The following MEX3C variants were observed in gnomAD, a reference collection of about 807,000 sequenced individuals.
MEX3C encodes mex-3 RNA binding family member C, also known as RNA-binding E3 ubiquitin-protein ligase MEX3C.
In MEX3C, 15 loss-of-function variants were observed where a neutral mutation model predicts 35.5. The observed-to-expected ratio is 0.42, with a 90% CI of 0.28 to 0.65. MEX3C has a LOEUF of 0.65. MEX3C is among the 30% of genes least tolerant of loss of function. The probability of loss-of-function intolerance (pLI) is 0.20; values close to 1 mark genes in which losing one functional copy is unlikely to be tolerated. For missense variants in MEX3C, 711 were observed against 842.8 expected (o/e 0.84, Z 1.94); for synonymous variants, 390 against 352.8 (o/e 1.11, Z -1.18).
At chr18:51,190,532 T>C (rs566347532) in intron 1 of MEX3C, among the ~76,000 whole-genome samples, 2 of 152,346 alleles carry the variant, frequency 1.3e-5, no homozygotes, top group Admixed American at 6.5e-5. Flanking sequence ...TTAGTCTTAT[T>C]ATTCCATGAT....
intron 1 of MEX3C, among the ~76,000 whole-genome samples, chr18:51,191,745 T>C (rs1413242673): frequency 6.6e-6 from 1 of 152,118 alleles, no homozygotes; most frequent in African/African-American, 2.4e-5. Flanking sequence ...CTACAGGAAT[T>C]GTAGATATGA....
chr18:51,176,049 A>G lies in MEX3C; in HGVS notation c.*302T>C, dbSNP rs1912294035. ...CGTATACACTTTTTCATAGGCTCAC[A>G]CAACCTATGATTATCTTCACTCAGC... is the stretch of plus-strand genomic sequence containing the variant. On this transcript the variant is annotated 3_prime_UTR_variant, in exon 2 of 2. Coordinates refer to ENST00000406189, the MANE Select transcript of MEX3C (RefSeq NM_016626.5). The G allele has an allele frequency of 4.0e-6, 1 of 248,626 alleles. No individual in the cohort carries two copies. Among genetic ancestry groups the G allele is most frequent in the African/African-American group, 2.2e-5 (1 of 44,464 alleles). The allele number at this position is 248,626 out of a possible 1,614,324, so 15.4% of individuals were successfully genotyped here. A position where few individuals can be genotyped will look rare whatever the true frequency, so the allele number is the denominator to read the frequency against.
Position 51,176,115 on chromosome 18 carries a change from G to T in MEX3C, c.*236C>A, listed in dbSNP as rs1330093792. 1 of 385,588 alleles carries T rather than the reference G, an allele frequency of 2.6e-6. No individual in the cohort carries two copies. Among genetic ancestry groups the T allele is most frequent in the Non-Finnish European group, 4.6e-6 (1 of 217,490 alleles). 23.9% of individuals were successfully genotyped at this position (385,588 alleles called of 1,614,324 possible). Reference sequence around the variant, plus strand: ...CTTTAGCAATTCTTATATAAACTATGTCTCTGGGTCTACAGGATAGTACTA... The same window carrying T: ...CTTTAGCAATTCTTATATAAACTATTTCTCTGGGTCTACAGGATAGTACTA... On this transcript the variant is annotated 3_prime_UTR_variant, in exon 2 of 2. Coordinates refer to ENST00000406189, the MANE Select transcript of MEX3C (RefSeq NM_016626.5).
intron 1 of MEX3C, among the ~76,000 whole-genome samples, chr18:51,182,384 ACTT>A (rs1912451738): frequency 6.6e-6 from 1 of 152,212 alleles, no homozygotes; most frequent in South Asian, 2.1e-4. Flanking sequence ...TGAGGACTAC[ACTT>A]CTTATAGCTA....
Position 51,196,605 on chromosome 18 carries a change from G to A in MEX3C, c.716C>T (p.Pro239Leu), listed in dbSNP as rs751092312. The change falls in exon 1 of 2, where the codon CCC (proline) becomes CTC (leucine). Residue 239 changes from proline (P) to leucine (L), a missense_variant. Physicochemically the swap from Pro to Leu is moderately conservative, Grantham distance 98. This residue lies in a region of MEX3C where 354 missense variants were observed against 311.6 expected (regional missense o/e 1.14). Transcript: ENST00000406189. ...SVNTTECVPVPSSEHVAEIVG... is the reference protein window; with the variant it reads ...SVNTTECVPVLSSEHVAEIVG... ...GATCTCGGCGACGTGCTCGGAGCTG[G>A]GCACCGGGACGCACTCGGTGGTGTT... The A allele has an allele frequency of 6.3e-7, 1 of 1,593,728 alleles. No homozygotes were observed. Among genetic ancestry groups the A allele is most frequent in the Non-Finnish European group, 8.5e-7 (1 of 1,175,318 alleles).
At chr18:51,196,187 A>G (rs989279683) in intron 1 of MEX3C, 3 of 293,390 alleles carry the variant, frequency 1.0e-5, no homozygotes, top group African/African-American at 2.3e-5. Flanking sequence ...TCGGCGGCGC[A>G]AACTTGCAAT....
At chr18:51,186,689 C>T (rs1912546690) in intron 1 of MEX3C, among the ~76,000 whole-genome samples, 1 of 152,080 alleles carries the variant, frequency 6.6e-6, no homozygotes, top group African/African-American at 2.4e-5. Context: ...CACCACAAGG[C>T]CTATCACAAT....
intron 1 of MEX3C, among the ~76,000 whole-genome samples, chr18:51,188,322 C>T (rs913865529): frequency 2.0e-5 from 3 of 152,168 alleles, no homozygotes; most frequent in Non-Finnish European, 2.9e-5. Context: ...AGCTGTTTGG[C>T]CAGTTGTGGT....
In MEX3C at chr18:51,176,724, C is replaced by G. The variant is rs367763550; in HGVS notation, c.1607G>C (p.Gly536Ala). 3 of 1,614,006 alleles carry G rather than the reference C, an allele frequency of 1.9e-6. No individual in the cohort carries two copies. The African/African-American group carries it at 4.0e-5, about 22-fold the overall frequency. Residue 536 changes from glycine to alanine, a missense_variant, in exon 2 of 2, where the codon GGA (glycine) becomes GCA (alanine). Gly to Ala is a moderately conservative substitution (Grantham distance 60, BLOSUM62 0). Around this residue, in one of 4 missense-constraint regions of MEX3C, gnomAD observed 187 missense variants for 201.7 expected, o/e 0.93. Transcript: ENST00000406189. ...PSGNMKTQRR[G>A]SQPSTPRLSP... Reference sequence around the variant, plus strand: ...CAGACGAGGAGTAGATGGCTGACTTCCTCTGCGCTGAGTCTTCATGTTACC... The same window carrying G: ...CAGACGAGGAGTAGATGGCTGACTTGCTCTGCGCTGAGTCTTCATGTTACC...
chr18:51,180,805 C>T (rs182811762), intron 1 of MEX3C, among the ~76,000 whole-genome samples: 2 of 152,114 alleles, frequency 1.3e-5, no homozygotes, highest in South Asian at 2.1e-4. Context: ...TAAGCCACTG[C>T]CAATAAAGAC....
Position 51,196,887 on chromosome 18 carries a change from G to T in MEX3C, c.434C>A (p.Ser145Ter). The T allele has an allele frequency of 6.5e-7, 1 of 1,541,300 alleles. No homozygotes were observed. ...CTGAGAGGCGGTGGCCGCGGGCGGCGACAGCAGCAGCAGCGACGACCGGTC... is the reference window on the plus strand; with the variant it reads ...CTGAGAGGCGGTGGCCGCGGGCGGCTACAGCAGCAGCAGCGACGACCGGTC... ...EEDRSSLLLL[S>*]PPAATASQTQ... Residue 145 changes from serine (S) to a stop codon, truncating the protein, a stop_gained, in exon 1 of 2, where the codon TCG becomes TAG. Coordinates refer to ENST00000406189, the MANE Select transcript of MEX3C (RefSeq NM_016626.5). LOFTEE classifies it high-confidence loss of function.
intron 1 of MEX3C, among the ~76,000 whole-genome samples, chr18:51,179,318 G>A (rs1445595860): frequency 6.6e-6 from 1 of 152,144 alleles, no homozygotes; most frequent in Non-Finnish European, 1.5e-5. Flanking sequence ...TTCTAATAAA[G>A]CACATGACCT....
In MEX3C at chr18:51,177,660, G is replaced by A. The variant is rs1042179746; in HGVS notation, c.755-84C>T. ...ACAAATCACAGAATGCACCTTTTAA[G>A]CTAAATATCTGGTTATGGGTTAAGT... On this transcript the variant is annotated intron_variant, in intron 1 of 1. Coordinates refer to ENST00000406189, the MANE Select transcript of MEX3C (RefSeq NM_016626.5). The surrounding 1 kb of genome is among the most constrained non-coding windows in gnomAD (Gnocchi z 4.2). 7.1e-7 allele frequency: 1 copy of A among 1,413,318 alleles called. No homozygotes were observed. The highest frequency in any genetic ancestry group is 1.4e-5 in the African/African-American group (1 of 69,626). The allele number at this position is 1,413,318 out of a possible 1,614,324, so 87.5% of individuals were successfully genotyped here. A position where few individuals can be genotyped will look rare whatever the true frequency, so the allele number is the denominator to read the frequency against.
chr18:51,178,640 CAGG>C (rs1197028849), intron 1 of MEX3C, among the ~76,000 whole-genome samples: 1 of 151,946 alleles, frequency 6.6e-6, no homozygotes, highest in African/African-American at 2.4e-5. Flanking sequence ...AACCTGAGGT[CAGG>C]AGTTCAAGAC....
intron 1 of MEX3C, among the ~76,000 whole-genome samples, chr18:51,191,461 G>A (rs947626052): frequency 6.6e-6 from 1 of 152,134 alleles, no homozygotes; most frequent in Non-Finnish European, 1.5e-5. Context: ...AACCATAGTT[G>A]TTTTAACACT....
In MEX3C at chr18:51,175,041, A is replaced by C. The variant is rs892531691; in HGVS notation, c.*1310T>G. 1 of 152,686 alleles carries C rather than the reference A, an allele frequency of 6.5e-6. No homozygotes were observed. Among genetic ancestry groups the C allele is most frequent in the African/African-American group, 2.4e-5 (1 of 41,470 alleles). 9.5% of individuals were successfully genotyped at this position (152,686 alleles called of 1,614,324 possible). ...CAACTTTTTTTATACTGAAAAAATC[A>C]AAATAAAAACCGTTATTTGTAAACT... On this transcript the variant is annotated 3_prime_UTR_variant, in exon 2 of 2. Coordinates refer to ENST00000406189, the MANE Select transcript of MEX3C (RefSeq NM_016626.5).
In MEX3C at chr18:51,188,779, T is replaced by C. The variant is rs536981582; in HGVS notation, c.754+7788A>G. Among the ~76,000 whole-genome samples, 5 of 152,308 alleles carry C rather than the reference T, an allele frequency of 3.3e-5. No homozygotes were observed. In the South Asian group the frequency reaches 1.0e-3, roughly 32 times the overall value. On this transcript the variant is annotated intron_variant, in intron 1 of 1. Transcript: ENST00000406189. ...TTTGTTTTAGGTACTTTAACCAATA[T>C]TAATAATGCAAAGATGACTAAGATT...
chr18:51,194,294 T>G (rs1264223167), intron 1 of MEX3C: 1 of 152,194 alleles, frequency 6.6e-6, no homozygotes, highest in African/African-American at 2.4e-5. Context: ...AGATAGAGGA[T>G]GATGACATAC....
rs1912299430 is a variant in MEX3C, at chr18:51,176,268, T to C, written c.*83A>G. On this transcript the variant is annotated 3_prime_UTR_variant, in exon 2 of 2. Coordinates refer to ENST00000406189, the MANE Select transcript of MEX3C (RefSeq NM_016626.5). The stretch of plus-strand genomic sequence containing the variant: ...CCTGATAACAGTCATAAGAAATCAT[T>C]AGGAAGTTTACTGGGGGGTACCATT... 1.6e-6 allele frequency: 2 copies of C among 1,289,968 alleles called. No homozygotes were observed. The highest frequency in any genetic ancestry group is 2.1e-6 in the Non-Finnish European group (2 of 953,880). 79.9% of individuals were successfully genotyped at this position (1,289,968 alleles called of 1,614,324 possible).
Sources: gnomAD v4.1 joint callset for allele counts (sites outside exome capture counted in the v4.1 genomes callset) on GRCh38, gnomAD v4.1.1 for gene constraint, gnomAD v4.1.1 regional missense constraint, Gnocchi (gnomAD v3.1) non-coding constraint, MANE v1.5 for transcripts, NCBI Gene and HGNC (gene_info 2026-07-23, HGNC 2026-07-21) for gene names.